The following CFAP43 variants were observed in gnomAD, a reference collection of about 807,000 sequenced individuals.
The protein encoded by CFAP43 is cilia and flagella associated protein 43.
In CFAP43, 155 loss-of-function variants were observed where a neutral mutation model predicts 218.9. That is an observed-to-expected ratio of 0.71 (90% CI 0.62 to 0.81). The LOEUF (loss-of-function observed/expected upper bound fraction) is 0.81, where lower values mean the gene tolerates loss of function less well. CFAP43 is among the 30% of genes least tolerant of loss of function. The probability of loss-of-function intolerance (pLI) is 0.00; values close to 1 mark genes in which losing one functional copy is unlikely to be tolerated. For missense variants in CFAP43, 1,778 were observed against 1,954.3 expected (o/e 0.91, Z 1.70); for synonymous variants, 645 against 681.3 (o/e 0.95, Z 0.83).
chr10:104,219,485 T>C (rs1268774953), intron 3 of CFAP43, among the ~76,000 whole-genome samples: 17 of 152,218 alleles, frequency 1.1e-4, no homozygotes, highest in Non-Finnish European at 2.2e-4. Context: ...TCTTCTTAAA[T>C]GCAGATATAA....
Position 104,177,639 on chromosome 10 carries a change from A to T in CFAP43, c.2460+1390T>A, listed in dbSNP as rs1353998559. On this transcript the variant is annotated intron_variant, in intron 19 of 37. Coordinates refer to ENST00000357060, the MANE Select transcript of CFAP43 (RefSeq NM_025145.7). ...GGGCTCAAAGAAGAGTGGAAAAGGG[A>T]AGAGAGTCTTGGTTTGTACCAGCAA... Among the ~76,000 whole-genome samples the T allele has an allele frequency of 3.9e-5, 6 of 152,346 alleles. No individual in the cohort carries two copies. In the East Asian group the frequency reaches 1.2e-3, roughly 29 times the overall value.
chr10:104,165,158 G>C (rs2089089589), intron 23 of CFAP43, among the ~76,000 whole-genome samples: 2 of 152,174 alleles, frequency 1.3e-5, no homozygotes, highest in African/African-American at 2.4e-5. Flanking sequence ...CTAGCCAGCT[G>C]GAGTAACCAA....
At chr10:104,161,230 G>C (rs2088853688) in intron 26 of CFAP43, 68 bp from the exon 27 acceptor site, 2 of 1,506,196 alleles carry the variant, frequency 1.3e-6, no homozygotes, top group African/African-American at 1.7e-5. Flanking sequence ...TAAAAGCTCA[G>C]AGTTTTTTTT....
rs192475287 is a variant in CFAP43, at chr10:104,141,684, T to C, written c.4271+597A>G. On this transcript the variant is annotated intron_variant, in intron 33 of 37. Transcript: ENST00000357060. The stretch of plus-strand genomic sequence containing the variant: ...TATTTATTGATTTCTGATACTATAC[T>C]AACAATATTTAATATGTAAGTTACT... 2.2e-4 allele frequency among the ~76,000 whole-genome samples: 33 copies of C among 152,330 alleles called. No homozygotes were observed. In the East Asian group the frequency reaches 6.4e-3, roughly 29 times the overall value.
chr10:104,167,522 T>C lies in CFAP43; in HGVS notation c.2808+99A>G, dbSNP rs899398066. ...GAAATAAAAATATAAATACATACAATACCTAAACTTAAATTACATCCCAAC... is the reference window on the plus strand; with the variant it reads ...GAAATAAAAATATAAATACATACAACACCTAAACTTAAATTACATCCCAAC... On this transcript the variant is annotated intron_variant, in intron 22 of 37. Coordinates refer to ENST00000357060, the MANE Select transcript of CFAP43 (RefSeq NM_025145.7). 5 of 794,780 alleles carry C rather than the reference T, an allele frequency of 6.3e-6. No homozygotes were observed. In the Admixed American group the frequency reaches 1.1e-4, roughly 18 times the overall value. 49.2% of individuals were successfully genotyped at this position (794,780 alleles called of 1,614,324 possible). A position where few individuals can be genotyped will look rare whatever the true frequency, so the allele number is the denominator to read the frequency against.
At chr10:104,229,840 G>C (rs2091403000) in intron 2 of CFAP43, among the ~76,000 whole-genome samples, 1 of 151,994 alleles carries the variant, frequency 6.6e-6, no homozygotes, top group African/African-American at 2.4e-5. Flanking sequence ...TCAGAGACTT[G>C]ACTTTAGAAG....
At position 104,187,271 on chromosome 10, in the gene CFAP43, C is replaced by G. The variant is rs373035477; in HGVS notation, c.1860+49G>C. 86 of 1,497,652 alleles carry G rather than the reference C, an allele frequency of 5.7e-5. No homozygotes were observed. In the Middle Eastern group the frequency reaches 2.3e-3, roughly 40 times the overall value. 92.8% of individuals were successfully genotyped at this position (1,497,652 alleles called of 1,614,324 possible). A position where few individuals can be genotyped will look rare whatever the true frequency, so the allele number is the denominator to read the frequency against. On this transcript the variant is annotated intron_variant, in intron 14 of 37. Coordinates refer to ENST00000357060, the MANE Select transcript of CFAP43 (RefSeq NM_025145.7). ...ATCACATCTAATCAGTATAATGTAT[C>G]AATCTTGATTGCTAAGATAAATGAG...
intron 32 of CFAP43, among the ~76,000 whole-genome samples, chr10:104,142,873 T>C (rs986911785): frequency 2.0e-5 from 3 of 152,124 alleles, no homozygotes; most frequent in African/African-American, 7.2e-5. Context: ...ATAATTCTAA[T>C]CTATGCAAAA....
chr10:104,143,694 T>C lies in CFAP43; in HGVS notation c.3945-55A>G. The C allele has an allele frequency of 2.6e-6, 4 of 1,554,706 alleles. No homozygotes were observed. The South Asian group carries it at 4.5e-5, about 18-fold the overall frequency. On this transcript the variant is annotated intron_variant, in intron 31 of 37. Coordinates refer to ENST00000357060, the MANE Select transcript of CFAP43 (RefSeq NM_025145.7). Reference sequence around the variant, plus strand: ...TTTCACATTCTCATAAAAACATCAATGTGAAACAATTAGGCCCTTAGCACA... The same window carrying C: ...TTTCACATTCTCATAAAAACATCAACGTGAAACAATTAGGCCCTTAGCACA...
intron 3 of CFAP43, 101 bp from the exon 4 acceptor site, chr10:104,214,527 A>G (rs1256425016): frequency 9.8e-7 from 1 of 1,023,526 alleles, no homozygotes; most frequent in Non-Finnish European, 1.4e-6. Context: ...GATATAATTT[A>G]TGATACAATT....
intron 27 of CFAP43, among the ~76,000 whole-genome samples, chr10:104,156,618 A>G (rs1404332392): frequency 1.7e-4 from 26 of 152,188 alleles, no homozygotes; most frequent in Admixed American, 1.7e-3. Flanking sequence ...GTGGGAAAGA[A>G]TCTTTAAACG....
intron 28 of CFAP43, among the ~76,000 whole-genome samples, chr10:104,150,986 C>T (rs1312720932): frequency 6.6e-6 from 1 of 152,120 alleles, no homozygotes; most frequent in Non-Finnish European, 1.5e-5. Flanking sequence ...TAAGTGAGAG[C>T]ATATCATATT....
At chr10:104,216,818 AC>A (rs2091024126) in intron 3 of CFAP43, among the ~76,000 whole-genome samples, 1 of 151,848 alleles carries the variant, frequency 6.6e-6, no homozygotes, top group Admixed American at 6.6e-5. Flanking sequence ...GGGATCACAC[AC>A]CCTGCTAAAG....
At chr10:104,167,132 A>C (rs1475231009) in intron 22 of CFAP43, among the ~76,000 whole-genome samples, 1 of 152,218 alleles carries the variant, frequency 6.6e-6, no homozygotes, top group Non-Finnish European at 1.5e-5. Context: ...TCAGAAAAAG[A>C]GTGGGTGCAA....
intron 27 of CFAP43, among the ~76,000 whole-genome samples, chr10:104,159,631 G>A (rs999133729): frequency 2.0e-5 from 3 of 152,228 alleles, no homozygotes; most frequent in Non-Finnish European, 4.4e-5. Context: ...GAGCTGGCGG[G>A]TGGATGCAGC....
In CFAP43 at chr10:104,225,460, C is replaced by A. The variant is rs916459265; in HGVS notation, c.416+1G>T. 4 of 1,607,590 alleles carry A rather than the reference C, an allele frequency of 2.5e-6. No homozygotes were observed. The highest frequency in any genetic ancestry group is 3.4e-6 in the Non-Finnish European group (4 of 1,176,120). Reference sequence around the variant, plus strand: ...GAATTCCACAGGATGCTGAAACTTACCAAAGGGCCAGTTCAAATTCTGGGA... The same window carrying A: ...GAATTCCACAGGATGCTGAAACTTAACAAAGGGCCAGTTCAAATTCTGGGA... On this transcript the variant is annotated splice_donor_variant, in intron 3 of 37. Coordinates refer to ENST00000357060, the MANE Select transcript of CFAP43 (RefSeq NM_025145.7). LOFTEE classifies it high-confidence loss of function.
chr10:104,130,236 G>C lies in CFAP43; in HGVS notation c.4901C>G (p.Thr1634Arg). Residue 1634 changes from threonine (T) to arginine (R), a missense_variant, in exon 38 of 38, where the codon ACA (threonine) becomes AGA (arginine). Thr to Arg is a moderately conservative substitution (Grantham distance 71). This residue lies in a region of CFAP43 where 211 missense variants were observed against 230.6 expected (regional missense o/e 0.91). Coordinates refer to ENST00000357060, the MANE Select transcript of CFAP43 (RefSeq NM_025145.7). ...TTCAGCTTGTTGTTTTGAAATATTTGTTAACTTCTGCTGTTGCATCATGTT... is the reference window on the plus strand; with the variant it reads ...TTCAGCTTGTTGTTTTGAAATATTTCTTAACTTCTGCTGTTGCATCATGTT... ...YENMMQQQKL[T>R]NISKQQAEQI... 1 of 1,613,070 alleles carries C rather than the reference G, an allele frequency of 6.2e-7. No homozygotes were observed. Among genetic ancestry groups the C allele is most frequent in the Non-Finnish European group, 8.5e-7 (1 of 1,179,754 alleles).
chr10:104,159,732 T>C (rs1466677320), intron 27 of CFAP43, among the ~76,000 whole-genome samples: 2 of 152,052 alleles, frequency 1.3e-5, no homozygotes, highest in African/African-American at 4.8e-5. Context: ...GCGTCAGGTG[T>C]TGAAAGTTTG....
chr10:104,141,204 A>G (rs1463584606), intron 33 of CFAP43, among the ~76,000 whole-genome samples: 1 of 152,236 alleles, frequency 6.6e-6, no homozygotes, highest in Non-Finnish European at 1.5e-5. Context: ...TTGCTCAAAA[A>G]ATGGTATGGA....
Sources: allele counts gnomAD v4.1 joint callset (sites outside exome capture counted in the v4.1 genomes callset), GRCh38; gene constraint gnomAD v4.1.1; regional missense constraint gnomAD v4.1.1; transcripts MANE v1.5; gene names NCBI Gene and HGNC (gene_info 2026-07-23, HGNC 2026-07-21).